Variants in KIF21A observed in about 807,000 individuals in gnomAD.
KIF21A encodes the protein kinesin-like protein KIF21A.
A neutral mutation model predicts 202.9 loss-of-function variants in KIF21A; 114 were observed. The observed-to-expected ratio is 0.56, with a 90% CI of 0.48 to 0.66. The LOEUF is 0.66. Among genes scored for constraint, KIF21A ranks in the 30% least tolerant of loss-of-function variants. The probability of loss-of-function intolerance (pLI) is 0.00; values close to 1 mark genes in which losing one functional copy is unlikely to be tolerated. For synonymous variants in KIF21A, 667 were observed against 670.8 expected (o/e 0.99, Z 0.09); for missense variants, 1,677 against 1,994.9 (o/e 0.84, Z 3.04).
intron 1 of KIF21A, among the ~76,000 whole-genome samples, chr12:39,429,633 C>T (rs1241941617): frequency 6.6e-6 from 1 of 152,144 alleles, no homozygotes; most frequent in East Asian, 1.9e-4. Flanking sequence ...TCATAACGAT[C>T]CTATTATGTT....
chr12:39,300,030 A>T lies in KIF21A; in HGVS notation c.4931+1450T>A, dbSNP rs1482338830. Among the ~76,000 whole-genome samples, 5 of 152,130 alleles carry T rather than the reference A, an allele frequency of 3.3e-5. 1 individual carries two copies. Among genetic ancestry groups the T allele is most frequent in the Admixed American group, 3.3e-4 (5 of 15,274 alleles). On this transcript the variant is annotated intron_variant, in intron 37 of 37. Transcript: ENST00000361418. ...AGGCTTAGTACATGGGTGATGAAAT[A>T]ATCTGAACAACAAACACTGGTGACA...
Position 39,389,880 on chromosome 12 carries a change from C to A in KIF21A, c.45-19619G>T, listed in dbSNP as rs114350669. Reference sequence around the variant, plus strand: ...TTTGAAGATTTTTATATAGTGTCAACCCAACAGCCTATCCCTCTGCTCCAG... The same window carrying A: ...TTTGAAGATTTTTATATAGTGTCAAACCAACAGCCTATCCCTCTGCTCCAG... On this transcript the variant is annotated intron_variant, in intron 1 of 37. Coordinates refer to ENST00000361418, the MANE Select transcript of KIF21A (RefSeq NM_001173464.2). Among the ~76,000 whole-genome samples, 765 of 152,202 alleles carry A rather than the reference C, an allele frequency of 5.0e-3. 5 individuals carry two copies. Among genetic ancestry groups the A allele is most frequent in the African/African-American group, 0.017 (723 of 41,528 alleles).
At chr12:39,371,425 A>C (rs1307411415) in intron 1 of KIF21A, among the ~76,000 whole-genome samples, 2 of 152,134 alleles carry the variant, frequency 1.3e-5, no homozygotes, top group Admixed American at 6.6e-5. Context: ...TTCCCTCTCA[A>C]ATTTCAAAAT....
At position 39,370,179 on chromosome 12, in the gene KIF21A, G is replaced by A. The variant is rs144095920; in HGVS notation, c.127C>T (p.Leu43=). 46 of 1,613,578 alleles carry A rather than the reference G, an allele frequency of 2.9e-5. No individual in the cohort carries two copies. In the African/African-American group the frequency reaches 5.6e-4, roughly 20 times the overall value. ...AAAGTAAAAGCCTTATCTTTCCCTA[G>A]GAAGACCTGAGGCTCTCCTGGTGTG... ...SVTPGEPQVF[L]GKDKAFTFDY... is the part of the protein sequence containing the mutation. The change falls in exon 2 of 38, where the codon CTA becomes TTA. Residue 43 remains leucine (L), a synonymous_variant. Coordinates refer to ENST00000361418, the MANE Select transcript of KIF21A (RefSeq NM_001173464.2).
At chr12:39,429,296 T>TA (rs1160546140) in intron 1 of KIF21A, among the ~76,000 whole-genome samples, 1 of 152,194 alleles carries the variant, frequency 6.6e-6, no homozygotes, top group Non-Finnish European at 1.5e-5. Flanking sequence ...CAAACTGCTC[T>TA]AGGGGGTTTA....
chr12:39,328,549 G>A (rs1592172165), intron 24 of KIF21A, among the ~76,000 whole-genome samples: 1 of 152,140 alleles, frequency 6.6e-6, no homozygotes, highest in South Asian at 2.1e-4. Flanking sequence ...AGTGGTGACC[G>A]TGGGGATCCC....
At chr12:39,328,615 G>A (rs1946196346) in intron 24 of KIF21A, among the ~76,000 whole-genome samples, 1 of 152,180 alleles carries the variant, frequency 6.6e-6, no homozygotes, top group Non-Finnish European at 1.5e-5. Context: ...GTACAACCCT[G>A]TGAGCATGGG....
chr12:39,360,329 T>C (rs999825749), intron 7 of KIF21A, among the ~76,000 whole-genome samples: 5 of 152,110 alleles, frequency 3.3e-5, no homozygotes, highest in African/African-American at 1.2e-4. Context: ...AATTAAGTTA[T>C]ACTACACATC....
intron 33 of KIF21A, among the ~76,000 whole-genome samples, chr12:39,308,178 G>A (rs955551739): frequency 2.0e-5 from 3 of 151,874 alleles, no homozygotes; most frequent in African/African-American, 7.3e-5. Context: ...GTCCAGCCTG[G>A]CCAACATGGT....
At position 39,366,368 on chromosome 12, in the gene KIF21A, A is replaced by G. The variant is rs1251099909; in HGVS notation, c.885T>C (p.Ile295=). The change falls in exon 6 of 38, where the codon ATT becomes ATC. Residue 295 remains isoleucine (I), a synonymous_variant. Coordinates refer to ENST00000361418, the MANE Select transcript of KIF21A (RefSeq NM_001173464.2). ...ATCTTACAAGTCCACAGTTGATAGA[A>G]ATGCCTTCTTTTGCCCTCTCGCCTG... is the stretch of plus-strand genomic sequence containing the variant. ...GATGERAKEG[I]SINCGLLALG... is the part of the protein sequence containing the mutation. 6.2e-7 allele frequency: 1 copy of G among 1,613,930 alleles called. No individual in the cohort carries two copies. Among genetic ancestry groups the G allele is most frequent in the Non-Finnish European group, 8.5e-7 (1 of 1,179,954 alleles).
chr12:39,361,922 T>C lies in KIF21A; in HGVS notation c.1019+1176A>G, dbSNP rs548619791. ...GTTTGGATCTGTGCCCTCACACAAA[T>C]CTCATGTAAAATTGTAATCCCCAGT... On this transcript the variant is annotated intron_variant, in intron 7 of 37. Coordinates refer to ENST00000361418, the MANE Select transcript of KIF21A (RefSeq NM_001173464.2). Among the ~76,000 whole-genome samples the C allele has an allele frequency of 3.3e-5, 5 of 152,302 alleles. 1 individual carries two copies. The East Asian group carries it at 9.7e-4, about 29-fold the overall frequency.
rs554941156 is a variant in KIF21A, at chr12:39,313,340, A to T, written c.3960-1787T>A. On this transcript the variant is annotated intron_variant, in intron 31 of 37. Transcript: ENST00000361418. ...TTAAGCAAATCATTATCCACTTAAA[A>T]ATAAATGTTCACCAACAAAAGATAA... Among the ~76,000 whole-genome samples, 3 of 152,004 alleles carry T rather than the reference A, an allele frequency of 2.0e-5. No individual in the cohort carries two copies. The South Asian group carries it at 6.2e-4, about 32-fold the overall frequency.
chr12:39,378,315 C>T (rs1950391325), intron 1 of KIF21A, among the ~76,000 whole-genome samples: 2 of 152,114 alleles, frequency 1.3e-5, no homozygotes, highest in Non-Finnish European at 2.9e-5. Context: ...TAACATTGTG[C>T]CACTCTGTTG....
chr12:39,337,389 T>C, intron 16 of KIF21A, 186 bp from the exon 17 acceptor site: 1 of 575,576 alleles, frequency 1.7e-6, no homozygotes, highest in South Asian at 2.1e-5. Flanking sequence ...TTCTAATACA[T>C]TTTTATTAAA....
Position 39,402,339 on chromosome 12 carries a change from TA to T in KIF21A, c.45-32079del, listed in dbSNP as rs200882630. Among the ~76,000 whole-genome samples the T allele has an allele frequency of 6.0e-3, 921 of 152,304 alleles. 14 individuals are homozygous for T. Among genetic ancestry groups the T allele is most frequent in the African/African-American group, 0.021 (871 of 41,554 alleles). On this transcript the variant is annotated intron_variant, in intron 1 of 37. Transcript: ENST00000361418. ...CAAGGAGAAAGCCATAATGGTAGTT[TA>T]AAAGTTTGTTAGGTTTAGAAACATT...
chr12:39,437,860 T>C (rs1461422615), intron 1 of KIF21A, among the ~76,000 whole-genome samples: 1 of 152,222 alleles, frequency 6.6e-6, no homozygotes, highest in Non-Finnish European at 1.5e-5. Context: ...TCTATTTCCA[T>C]AAAATAAATG....
chr12:39,354,821 C>T (rs913045273), intron 10 of KIF21A, among the ~76,000 whole-genome samples: 3 of 152,038 alleles, frequency 2.0e-5, no homozygotes, highest in Non-Finnish European at 2.9e-5. Flanking sequence ...TATTTAAGAA[C>T]GTATATATAC....
chr12:39,425,760 T>G (rs1457358616), intron 1 of KIF21A, among the ~76,000 whole-genome samples: 1 of 151,962 alleles, frequency 6.6e-6, no homozygotes. Context: ...GAACAGAGGC[T>G]TAGGCAGATT....
chr12:39,416,629 G>C lies in KIF21A; in HGVS notation c.44+26298C>G, dbSNP rs531439906. On this transcript the variant is annotated intron_variant, in intron 1 of 37. Coordinates refer to ENST00000361418, the MANE Select transcript of KIF21A (RefSeq NM_001173464.2). The stretch of plus-strand genomic sequence containing the variant: ...TATATATATATATGTACATATATAT[G>C]TGTATATATATATATGTACATATAT... 2.7e-4 allele frequency among the ~76,000 whole-genome samples: 35 copies of C among 127,758 alleles called. 1 individual carries two copies. Among genetic ancestry groups the C allele is most frequent in the Admixed American group, 1.4e-3 (17 of 12,238 alleles). The allele number at this position is 127,758 out of a possible 152,430, so 83.8% of individuals were successfully genotyped here. A position where few individuals can be genotyped will look rare whatever the true frequency, so the allele number is the denominator to read the frequency against.
Sources: gnomAD v4.1 joint callset for allele counts (sites outside exome capture counted in the v4.1 genomes callset) on GRCh38, gnomAD v4.1.1 for gene constraint, MANE v1.5 for transcripts, NCBI Gene and HGNC (gene_info 2026-07-23, HGNC 2026-07-21) for gene names.